The following MOXD1 variants were observed in gnomAD, a reference collection of about 807,000 sequenced individuals.
MOXD1 encodes the protein monooxygenase DBH like 1.
A neutral mutation model predicts 66.6 loss-of-function variants in MOXD1; 62 were observed. That is an observed-to-expected ratio of 0.93 (90% CI 0.76 to 1.15). The LOEUF is 1.15. MOXD1 is among the 50% of genes most tolerant of loss of function. MOXD1 has a pLI of 0.00. For synonymous variants in MOXD1, 303 were observed against 281.9 expected (o/e 1.07, Z -0.75); for missense variants, 847 against 754.6 (o/e 1.12, Z -1.44).
At chr6:132,394,871 A>G (rs1267777328) in intron 1 of MOXD1, among the ~76,000 whole-genome samples, 1 of 152,174 alleles carries the variant, frequency 6.6e-6, no homozygotes, top group Non-Finnish European at 1.5e-5. Flanking sequence ...AAAATGAAGG[A>G]GTTAGAAAAC....
chr6:132,372,268 G>A (rs751675770), intron 4 of MOXD1, among the ~76,000 whole-genome samples: 1 of 151,888 alleles, frequency 6.6e-6, no homozygotes, highest in Non-Finnish European at 1.5e-5. Context: ...AACCTTCATG[G>A]GTATAATTTA....
intron 4 of MOXD1, among the ~76,000 whole-genome samples, chr6:132,340,756 C>T (rs1212939926): frequency 2.0e-5 from 3 of 149,494 alleles, no homozygotes. Context: ...ACGCCATTCT[C>T]CTGCTTCAGC....
intron 2 of MOXD1, among the ~76,000 whole-genome samples, chr6:132,373,765 A>C (rs1220600020): frequency 6.6e-6 from 1 of 152,264 alleles, no homozygotes; most frequent in African/African-American, 2.4e-5. Context: ...GATCTTTGTA[A>C]TAAGAACTTT....
chr6:132,317,983 A>G (rs1182489699), intron 9 of MOXD1, among the ~76,000 whole-genome samples: 2 of 152,106 alleles, frequency 1.3e-5, no homozygotes, highest in Admixed American at 6.6e-5. Flanking sequence ...GCTCTTTTCA[A>G]TCAACATTAT....
chr6:132,372,548 A>C, intron 4 of MOXD1, 60 bp downstream of exon 4: 3 of 1,386,526 alleles, frequency 2.2e-6, no homozygotes, highest in Non-Finnish European at 3.1e-6. Flanking sequence ...TCATTATATT[A>C]ACATCAATTT....
intron 4 of MOXD1, among the ~76,000 whole-genome samples, chr6:132,359,051 T>C (rs1775960901): frequency 6.6e-6 from 1 of 151,946 alleles, no homozygotes; most frequent in South Asian, 2.1e-4. Flanking sequence ...TCACTGGCTC[T>C]AGGGAAGACC....
intron 1 of MOXD1, among the ~76,000 whole-genome samples, chr6:132,381,012 C>T (rs1341100694): frequency 6.6e-6 from 1 of 152,106 alleles, no homozygotes; most frequent in African/African-American, 2.4e-5. Context: ...AGGAGATAAT[C>T]CCCTACCTAT....
chr6:132,340,798 C>T (rs1174122437), intron 4 of MOXD1, among the ~76,000 whole-genome samples: 2 of 151,944 alleles, frequency 1.3e-5, no homozygotes, highest in African/African-American at 2.4e-5. Flanking sequence ...AGGCGCCCGC[C>T]ACCGCGCCCG....
At chr6:132,303,554 G>A (rs1774595150) in intron 10 of MOXD1, among the ~76,000 whole-genome samples, 1 of 151,590 alleles carries the variant, frequency 6.6e-6, no homozygotes, top group Non-Finnish European at 1.5e-5. Context: ...TGGTTATTAT[G>A]CTGTATTGTT....
chr6:132,370,073 T>A (rs1776234074), intron 4 of MOXD1, among the ~76,000 whole-genome samples: 1 of 152,130 alleles, frequency 6.6e-6, no homozygotes, highest in African/African-American at 2.4e-5. Context: ...AAATCAATCT[T>A]CTCATTTCTG....
chr6:132,396,205 A>G (rs1170102781), intron 1 of MOXD1, among the ~76,000 whole-genome samples: 1 of 152,194 alleles, frequency 6.6e-6, no homozygotes, highest in Non-Finnish European at 1.5e-5. Flanking sequence ...TCAGACCACA[A>G]TGAAATAAAA....
chr6:132,333,753 G>A (rs891287407), intron 4 of MOXD1, among the ~76,000 whole-genome samples: 7 of 152,192 alleles, frequency 4.6e-5, no homozygotes, highest in Admixed American at 3.9e-4. Context: ...CCAGAATGGT[G>A]ACAGGCCCGT....
At chr6:132,329,149 G>A (rs1233315254) in intron 4 of MOXD1, among the ~76,000 whole-genome samples, 1 of 152,054 alleles carries the variant, frequency 6.6e-6, no homozygotes, top group African/African-American at 2.4e-5. Flanking sequence ...GGTGTGTGAT[G>A]TTCTCCACCC....
chr6:132,341,472 T>C (rs1775561629), intron 4 of MOXD1, among the ~76,000 whole-genome samples: 1 of 152,210 alleles, frequency 6.6e-6, no homozygotes, highest in African/African-American at 2.4e-5. Flanking sequence ...GAACACTCTA[T>C]TTCCCAAGCA....
intron 4 of MOXD1, among the ~76,000 whole-genome samples, chr6:132,364,400 A>G (rs892821220): frequency 1.3e-5 from 2 of 152,172 alleles, no homozygotes; most frequent in African/African-American, 4.8e-5. Context: ...AAGGGAAGAA[A>G]ACAAGCAATG....
rs570589356 is a variant in MOXD1 at position 132,391,834 on chromosome 6, C to T, written c.264+9329G>A. The T allele has an allele frequency of 9.5e-5, 16 of 168,824 alleles. No individual in the cohort carries two copies. In the South Asian group the frequency reaches 3.1e-3, roughly 33 times the overall value. 10.5% of individuals were successfully genotyped at this position (168,824 alleles called of 1,614,324 possible). The stretch of plus-strand genomic sequence containing the variant: ...ATTGTTTCCTTGGCTGTTAGGTCTG[C>T]CTGTTTCCTCAGGCTAATTATGAAA... On this transcript the variant is annotated intron_variant, in intron 1 of 11. Transcript: ENST00000367963.
intron 4 of MOXD1, among the ~76,000 whole-genome samples, chr6:132,329,464 T>TC (rs199692142): frequency 0.014 from 2,172 of 152,204 alleles, 53 homozygotes; most frequent in African/African-American, 0.05. Flanking sequence ...CATTTTTTTT[T>TC]CACATAGAAA....
intron 1 of MOXD1, among the ~76,000 whole-genome samples, chr6:132,400,790 T>C (rs1777005517): frequency 2.6e-5 from 4 of 152,138 alleles, no homozygotes; most frequent in Admixed American, 2.6e-4. Context: ...TTCCCTCCTC[T>C]GAGAGCTGTC....
At position 132,386,464 on chromosome 6, in the gene MOXD1, A is replaced by C. The variant is rs193301163; in HGVS notation, c.265-11687T>G. On this transcript the variant is annotated intron_variant, in intron 1 of 11. Transcript: ENST00000367963. ...AAAAAAACAAAAAAAAAACGGGAAA[A>C]GAGATGAAATAATCTCATAACCATT... Among the ~76,000 whole-genome samples the C allele has an allele frequency of 1.3e-5, 2 of 151,086 alleles. 1 individual carries two copies. The highest frequency in any genetic ancestry group is 3.0e-5 in the Non-Finnish European group (2 of 67,582).
Sources: gnomAD v4.1 joint callset for allele counts (sites outside exome capture counted in the v4.1 genomes callset) on GRCh38, gnomAD v4.1.1 for gene constraint, MANE v1.5 for transcripts, NCBI Gene and HGNC (gene_info 2026-07-23, HGNC 2026-07-21) for gene names.